Variants in CAPN9 observed in about 807,000 individuals in gnomAD.
CAPN9 encodes calpain-9.
CAPN9 carries 81 observed loss-of-function variants against 92.8 expected under a neutral mutation model. The observed-to-expected ratio is 0.87, with a 90% CI of 0.73 to 1.05. CAPN9 has a LOEUF of 1.05. Ranked by LOEUF, CAPN9 falls within the 50% of genes least tolerant of loss-of-function variation. CAPN9 has a pLI of 0.00. For synonymous variants in CAPN9, 304 were observed against 328.0 expected, an observed-to-expected ratio of 0.93 and a Z score of 0.79; for missense variants, 848 against 866.2, an observed-to-expected ratio of 0.98 and a Z score of 0.26.
At chr1:230,767,393 C>G in intron 4 of CAPN9, 148 bp from the exon 5 acceptor site, 1 of 603,934 alleles carries the variant, frequency 1.7e-6, no homozygotes, top group Non-Finnish European at 2.8e-6. Context: ...ACCCTGATAA[C>G]TTGCTTCCCG....
At chr1:230,782,783 G>A (rs1382853240) in intron 11 of CAPN9, among the ~76,000 whole-genome samples, 2 of 152,120 alleles carry the variant, frequency 1.3e-5, no homozygotes, top group African/African-American at 4.8e-5. Context: ...TTGGGAGGCC[G>A]AGGCAGGAGG....
At position 230,755,169 on chromosome 1, in the gene CAPN9, G is replaced by A. The variant is rs537893327; in HGVS notation, c.214-168G>A. Among the ~76,000 whole-genome samples the A allele has an allele frequency of 2.0e-5, 3 of 152,290 alleles. No homozygotes were observed. In the East Asian group the frequency reaches 5.8e-4, roughly 29 times the overall value. On this transcript the variant is annotated intron_variant, in intron 1 of 19. Coordinates refer to ENST00000271971, the MANE Select transcript of CAPN9 (RefSeq NM_006615.3). ...AAAGATGAGCCCAGCCTTATCCAGA[G>A]CATAGAGAGGTGGCAGCCTTTTACA...
chr1:230,757,937 C>A (rs1358018799), intron 2 of CAPN9, among the ~76,000 whole-genome samples: 1 of 152,064 alleles, frequency 6.6e-6, no homozygotes, highest in East Asian at 1.9e-4. Context: ...GGTGCCACTT[C>A]ACTCCAGCCT....
chr1:230,771,621 T>C (rs1474276062), intron 6 of CAPN9, among the ~76,000 whole-genome samples: 12 of 152,250 alleles, frequency 7.9e-5, no homozygotes, highest in Admixed American at 7.8e-4. Flanking sequence ...GACTACTCTT[T>C]ACCATTCACT....
intron 5 of CAPN9, 53 bp downstream of exon 5, chr1:230,767,762 C>CCTGGA: frequency 6.5e-7 from 1 of 1,534,240 alleles, no homozygotes; most frequent in Non-Finnish European, 8.9e-7. Flanking sequence ...CTGCATAGTG[C>CCTGGA]ATTCCAGGCA....
rs749144558 is a variant in CAPN9, at chr1:230,747,532, A to T, written c.36A>T (p.Ala12=). 22 of 1,613,932 alleles carry T rather than the reference A, an allele frequency of 1.4e-5. 2 individuals are homozygous for T. The South Asian group carries it at 2.3e-4, about 17-fold the overall frequency. The change falls in exon 1 of 20, where the codon GCA becomes GCT. Residue 12 remains alanine (A), a synonymous_variant. Transcript: ENST00000271971. ...TCTACCGGGCCCCAGGGCCTCAGGC[A>T]CACCCGGTTCCCAAGGACGCCCGGA... ...PYLYRAPGPQ[A]HPVPKDARIT...
chr1:230,793,728 G>A (rs1668161148), intron 17 of CAPN9, among the ~76,000 whole-genome samples: 1 of 152,228 alleles, frequency 6.6e-6, no homozygotes, highest in African/African-American at 2.4e-5. Context: ...AGTATACACA[G>A]CCAGGACCAT....
At chr1:230,752,803 G>A (rs1200740420) in intron 1 of CAPN9, 12 of 616,214 alleles carry the variant, frequency 1.9e-5, no homozygotes, top group Non-Finnish European at 2.2e-5. Context: ...GAGGGCTTGG[G>A]GGACTCCTGG....
intron 19 of CAPN9, among the ~76,000 whole-genome samples, chr1:230,799,195 G>T (rs1043074395): frequency 1.3e-5 from 2 of 152,136 alleles, no homozygotes; most frequent in African/African-American, 4.8e-5. Flanking sequence ...TTTGGGTTTG[G>T]ATAACATTTA....
At chr1:230,793,007 T>A (rs1668114875) in intron 17 of CAPN9, 79 bp downstream of exon 17, 2 of 1,059,020 alleles carry the variant, frequency 1.9e-6, no homozygotes, top group East Asian at 4.7e-5. Context: ...ATGGCAGGTC[T>A]TCTCTCTGCT....
intron 3 of CAPN9, among the ~76,000 whole-genome samples, chr1:230,761,529 G>C (rs3790954): frequency 0.24 from 36,329 of 149,714 alleles, 5,445 homozygotes; most frequent in Non-Finnish European, 0.35. Context: ...GGTCCAGCTG[G>C]AGCAGGTGAC....
chr1:230,793,811 G>A lies in CAPN9; in HGVS notation c.1870+883G>A, dbSNP rs183421967. On this transcript the variant is annotated intron_variant, in intron 17 of 19. Transcript: ENST00000271971. ...GCAAAGTGCCAGGCTGAGAAGGGGC[G>A]CCTGATTTTCTTAGGGGATGATGAC... Among the ~76,000 whole-genome samples the A allele has an allele frequency of 1.3e-3, 199 of 152,324 alleles. 1 individual carries two copies. The Middle Eastern group carries it at 0.017, about 13-fold the overall frequency.
chr1:230,792,765 C>T (rs1488803580), intron 16 of CAPN9, 85 bp from the exon 17 acceptor site: 11 of 1,165,292 alleles, frequency 9.4e-6, no homozygotes, highest in Middle Eastern at 1.9e-4. Context: ...GGTAGCTCCC[C>T]CGGGCTGGCT....
At position 230,780,654 on chromosome 1, in the gene CAPN9, A is replaced by G; in HGVS notation, c.1427A>G (p.His476Arg). 6.2e-7 allele frequency: 1 copy of G among 1,614,108 alleles called. No homozygotes were observed. The highest frequency in any genetic ancestry group is 1.6e-4 in the Middle Eastern group (1 of 6,062). The change falls in exon 11 of 20, where the codon CAC (histidine) becomes CGC (arginine). Residue 476 changes from histidine to arginine, a missense_variant. Coordinates refer to ENST00000271971, the MANE Select transcript of CAPN9 (RefSeq NM_006615.3). Reference sequence around the variant, plus strand: ...CTGATTCCCAGCACTTTTGAGCCCCACCAGGAAGCTGATTTCTGTCTGAGA... The same window carrying G: ...CTGATTCCCAGCACTTTTGAGCCCCGCCAGGAAGCTGATTTCTGTCTGAGA... ...YILIPSTFEP[H>R]QEADFCLRIF...
chr1:230,750,445 A>G (rs2493153), intron 1 of CAPN9, among the ~76,000 whole-genome samples: 110,995 of 152,084 alleles, frequency 0.73, 40,908 homozygotes, highest in African/African-American at 0.8. Flanking sequence ...GGGGAGTTAG[A>G]AGCTTTACAT....
intron 6 of CAPN9, among the ~76,000 whole-genome samples, chr1:230,769,582 C>A (rs1488414820): frequency 6.6e-6 from 1 of 152,106 alleles, no homozygotes; most frequent in Middle Eastern, 3.2e-3. Context: ...ACTAGGGAAC[C>A]AAATATATAT....
At chr1:230,760,281 A>T (rs991860269) in intron 3 of CAPN9, among the ~76,000 whole-genome samples, 3 of 152,136 alleles carry the variant, frequency 2.0e-5, no homozygotes, top group Non-Finnish European at 4.4e-5. Flanking sequence ...CAATTTTCTT[A>T]GTGACATTAA....
chr1:230,788,332 TCAGCTTC>T (rs1667751652), intron 13 of CAPN9, among the ~76,000 whole-genome samples: 1 of 152,210 alleles, frequency 6.6e-6, no homozygotes, highest in South Asian at 2.1e-4. Flanking sequence ...TTTCCACTGC[TCAGCTTC>T]CTTTTTAGGG....
At chr1:230,786,996 G>A (rs1041152089) in intron 12 of CAPN9, among the ~76,000 whole-genome samples, 2 of 152,184 alleles carry the variant, frequency 1.3e-5, no homozygotes, top group Non-Finnish European at 2.9e-5. Context: ...CTGCTTTTAG[G>A]AGGGAATTTG....
Sources: gnomAD v4.1 joint callset for allele counts (sites outside exome capture counted in the v4.1 genomes callset) on GRCh38, gnomAD v4.1.1 for gene constraint, MANE v1.5 for transcripts, NCBI Gene and HGNC (gene_info 2026-07-23, HGNC 2026-07-21) for gene names.